SUPT3H: variants seen among roughly 807,000 people sequenced by gnomAD.
The protein encoded by SUPT3H is transcription initiation protein SPT3 homolog.
SUPT3H carries 44 observed loss-of-function variants against 44.3 expected under a neutral mutation model. The ratio of observed to expected loss-of-function variants is 0.99; its 90% CI spans 0.78 to 1.28. The LOEUF (loss-of-function observed/expected upper bound fraction) is 1.28, where lower values mean the gene tolerates loss of function less well. Among genes scored for constraint, SUPT3H ranks in the 50% most tolerant of loss-of-function variants. The probability of loss-of-function intolerance (pLI) is 0.00; values close to 1 mark genes in which losing one functional copy is unlikely to be tolerated. For synonymous variants in SUPT3H, 124 were observed against 125.6 expected (o/e 0.99, Z 0.09); for missense variants, 380 against 387.1 (o/e 0.98, Z 0.15).
At chr6:45,024,033 T>A (rs1479269844) in intron 3 of SUPT3H, among the ~76,000 whole-genome samples, 1 of 152,140 alleles carries the variant, frequency 6.6e-6, no homozygotes, top group African/African-American at 2.4e-5. Context: ...GAAACCAATA[T>A]CAAAAATGTT....
At chr6:45,011,285 A>G (rs779292884) in intron 5 of SUPT3H, among the ~76,000 whole-genome samples, 80 of 152,222 alleles carry the variant, frequency 5.3e-4, no homozygotes, top group Non-Finnish European at 7.1e-4. Context: ...GTGGAATTCA[A>G]CAGTGAAATA....
intron 1 of SUPT3H, among the ~76,000 whole-genome samples, chr6:45,375,234 G>A (rs1662934066): frequency 6.6e-6 from 1 of 152,138 alleles, no homozygotes; most frequent in African/African-American, 2.4e-5. Flanking sequence ...TTCTGATATT[G>A]CAATGTGGTT....
At chr6:45,139,613 C>T (rs1204317427) in intron 2 of SUPT3H, among the ~76,000 whole-genome samples, 1 of 152,120 alleles carries the variant, frequency 6.6e-6, no homozygotes, top group Non-Finnish European at 1.5e-5. Flanking sequence ...AACACATATC[C>T]CCACTGAAGA....
chr6:44,906,677 G>A (rs1157531448), intron 10 of SUPT3H, among the ~76,000 whole-genome samples: 3 of 152,094 alleles, frequency 2.0e-5, no homozygotes, highest in African/African-American at 4.8e-5. Context: ...CAGGAGAATC[G>A]CTTAAACCTG....
intron 1 of SUPT3H, among the ~76,000 whole-genome samples, chr6:45,371,394 CT>C (rs560509544): frequency 0.024 from 3,323 of 138,838 alleles, 47 homozygotes; most frequent in African/African-American, 0.043. Flanking sequence ...TATTAGCTCA[CT>C]TTTTTTTTTT....
chr6:45,290,479 G>A (rs1780140063), intron 2 of SUPT3H, among the ~76,000 whole-genome samples: 1 of 142,462 alleles, frequency 7.0e-6, no homozygotes, highest in Admixed American at 7.2e-5. Flanking sequence ...AAAAAGCAGA[G>A]GGTAGGGAGT....
At chr6:44,818,227 T>C (rs913032336) in intron 11 of SUPT3H, among the ~76,000 whole-genome samples, 2 of 152,024 alleles carry the variant, frequency 1.3e-5, no homozygotes, top group African/African-American at 4.8e-5. Context: ...ACGAGTGGTA[T>C]TGAAACTATC....
chr6:44,869,591 T>TCTAC (rs577468659), intron 10 of SUPT3H, among the ~76,000 whole-genome samples: 2 of 152,140 alleles, frequency 1.3e-5, no homozygotes, highest in African/African-American at 4.8e-5. Flanking sequence ...CTAAACCAAT[T>TCTAC]CTACCTACCT....
rs1407146450 is a variant in SUPT3H, at chr6:45,155,509, T to C, written c.102-49503A>G. ...CAACAAATCTTTTAACACTACATTGTTACTTCTGTGTAAACCCTCCTTATC... is the reference window on the plus strand; with the variant it reads ...CAACAAATCTTTTAACACTACATTGCTACTTCTGTGTAAACCCTCCTTATC... On this transcript the variant is annotated intron_variant, in intron 2 of 10. Coordinates refer to ENST00000371459, the MANE Select transcript of SUPT3H (RefSeq NM_003599.4). 6.6e-5 allele frequency among the ~76,000 whole-genome samples: 10 copies of C among 152,298 alleles called. No homozygotes were observed. The East Asian group carries it at 9.7e-4, about 15-fold the overall frequency.
chr6:45,099,343 G>T, intron 3 of SUPT3H: 1 of 55,768 alleles, frequency 1.8e-5, no homozygotes, highest in Non-Finnish European at 3.9e-5. Context: ...GAATAAATGT[G>T]TTTTTCTTAA....
intron 7 of SUPT3H, among the ~76,000 whole-genome samples, chr6:44,954,990 T>C (rs565425931): frequency 6.6e-6 from 1 of 152,322 alleles, no homozygotes; most frequent in East Asian, 1.9e-4. Context: ...AATTTACTCA[T>C]ATAGAAAGAA....
intron 2 of SUPT3H, among the ~76,000 whole-genome samples, chr6:45,138,605 C>CTG (rs140485778): frequency 0.016 from 2,464 of 151,538 alleles, 19 homozygotes; most frequent in Non-Finnish European, 0.026. Context: ...GGAAAATACT[C>CTG]TGTGTGTGTG....
chr6:44,985,685 C>G (rs1003710153), intron 6 of SUPT3H, among the ~76,000 whole-genome samples: 1 of 152,150 alleles, frequency 6.6e-6, no homozygotes, highest in Admixed American at 6.5e-5. Context: ...TGGTCTTTGA[C>G]ATATTTTCAC....
chr6:45,036,031 A>G (rs562295370), intron 3 of SUPT3H, among the ~76,000 whole-genome samples: 1 of 152,312 alleles, frequency 6.6e-6, no homozygotes, highest in South Asian at 2.1e-4. Context: ...AAAAGAGACC[A>G]TACCAAGTCA....
At chr6:44,968,892 T>C (rs1213872116) in intron 6 of SUPT3H, among the ~76,000 whole-genome samples, 1 of 152,138 alleles carries the variant, frequency 6.6e-6, no homozygotes, top group East Asian at 1.9e-4. Context: ...TCAGCACACA[T>C]TGTTCTCACT....
At chr6:44,879,137 T>A (rs537093452) in intron 10 of SUPT3H, among the ~76,000 whole-genome samples, 272 of 152,182 alleles carry the variant, frequency 1.8e-3, no homozygotes, top group African/African-American at 6.4e-3. Context: ...GCTCAGCAAA[T>A]CCCACCCCCA....
intron 10 of SUPT3H, among the ~76,000 whole-genome samples, chr6:44,904,849 C>T (rs1287567432): frequency 1.3e-5 from 2 of 152,034 alleles, no homozygotes; most frequent in African/African-American, 2.4e-5. Flanking sequence ...AGAACAGAGC[C>T]CTCAGAAATA....
intron 10 of SUPT3H, among the ~76,000 whole-genome samples, chr6:44,856,089 A>G (rs1037989399): frequency 1.3e-5 from 2 of 152,198 alleles, no homozygotes; most frequent in Admixed American, 6.5e-5. Flanking sequence ...TATTAATGTC[A>G]AGAAGCCAAG....
At chr6:45,234,350 G>C (rs1243678584) in intron 2 of SUPT3H, among the ~76,000 whole-genome samples, 1 of 151,868 alleles carries the variant, frequency 6.6e-6, no homozygotes, top group Admixed American at 6.6e-5. Context: ...GGCCAACATG[G>C]TGAAACCCTG....
Sources: gnomAD v4.1 joint callset for allele counts (sites outside exome capture counted in the v4.1 genomes callset) on GRCh38, gnomAD v4.1.1 for gene constraint, MANE v1.5 for transcripts, NCBI Gene and HGNC (gene_info 2026-07-23, HGNC 2026-07-21) for gene names.